SNX9: variants seen among roughly 807,000 people sequenced by gnomAD.
SNX9 encodes the protein sorting nexin-9.
A neutral mutation model predicts 89.4 loss-of-function variants in SNX9; 44 were observed. The ratio of observed to expected loss-of-function variants is 0.49; its 90% CI spans 0.39 to 0.63. The LOEUF (loss-of-function observed/expected upper bound fraction) is 0.63, where lower values mean the gene tolerates loss of function less well. SNX9 is among the 30% of genes least tolerant of loss of function. The pLI is 0.00. For missense variants in SNX9, 578 were observed against 736.1 expected (o/e 0.79, Z 2.49); for synonymous variants, 236 against 247.8 (o/e 0.95, Z 0.45).
At position 157,932,232 on chromosome 6, in the gene SNX9, G is replaced by A. The variant is rs1185061127; in HGVS notation, c.1326G>A (p.Leu442=). 3 of 1,614,040 alleles carry A rather than the reference G, an allele frequency of 1.9e-6. No individual in the cohort carries two copies. Among genetic ancestry groups the A allele is most frequent in the Non-Finnish European group, 2.5e-6 (3 of 1,180,034 alleles). The change falls in exon 13 of 18, where the codon TTG becomes TTA. Residue 442 remains leucine, a synonymous_variant. Transcript: ENST00000392185. ...AATATCAGAAGATAGGAAAGGCCTT[G>A]CAGAGTTTGGCCACAGTGTTCAGTT... ...PKEYQKIGKA[L]QSLATVFSSS...
chr6:157,833,320 C>G (rs1445602794), intron 1 of SNX9, among the ~76,000 whole-genome samples: 1 of 152,002 alleles, frequency 6.6e-6, no homozygotes, highest in African/African-American at 2.4e-5. Context: ...AACTTACTGT[C>G]TTTAGGCCTC....
chr6:157,906,716 ATCTGT>A (rs1033730896), intron 7 of SNX9, among the ~76,000 whole-genome samples: 1 of 152,220 alleles, frequency 6.6e-6, no homozygotes, highest in Non-Finnish European at 1.5e-5. Context: ...CATTGAGAAT[ATCTGT>A]CTTAGAATTA....
intron 10 of SNX9, among the ~76,000 whole-genome samples, chr6:157,923,636 A>G (rs1366662028): frequency 1.3e-5 from 2 of 152,228 alleles, no homozygotes; most frequent in Non-Finnish European, 2.9e-5. Flanking sequence ...AATGCCAAGC[A>G]TAGCCAGGAT....
chr6:157,855,069 C>T (rs1781983375), intron 1 of SNX9, among the ~76,000 whole-genome samples: 1 of 151,996 alleles, frequency 6.6e-6, no homozygotes, highest in Admixed American at 6.6e-5. Flanking sequence ...CAGTGTTACC[C>T]ATTTCTTTTA....
chr6:157,927,718 CTTTTTTTTTTTTTTTT>C (rs761592456), intron 11 of SNX9, among the ~76,000 whole-genome samples: 1 of 98,762 alleles, frequency 1.0e-5, no homozygotes, highest in African/African-American at 4.4e-5. Context: ...TAATTTTAAG[CTTTTTTTTTTTTTTTT>C]TTTTTTTTTT....
Position 157,862,090 on chromosome 6 carries a change from T to A in SNX9, c.13-5457T>A, listed in dbSNP as rs569756801. Among the ~76,000 whole-genome samples, 4 of 152,362 alleles carry A rather than the reference T, an allele frequency of 2.6e-5. No individual in the cohort carries two copies. The South Asian group carries it at 6.2e-4, about 24-fold the overall frequency. On this transcript the variant is annotated intron_variant, in intron 1 of 17. Transcript: ENST00000392185. The stretch of plus-strand genomic sequence containing the variant: ...GACTCTAAAACTGATAAATTGTTTA[T>A]TTCTGGAATTTTCTATTTAATATTT...
At chr6:157,862,686 AT>A (rs1000809264) in intron 1 of SNX9, among the ~76,000 whole-genome samples, 3 of 151,478 alleles carry the variant, frequency 2.0e-5, no homozygotes, top group Non-Finnish European at 2.9e-5. Context: ...GGTTTTGTGA[AT>A]TTTTTTTCCT....
At chr6:157,885,886 C>T (rs1782725916) in intron 4 of SNX9, among the ~76,000 whole-genome samples, 1 of 152,202 alleles carries the variant, frequency 6.6e-6, no homozygotes, top group Admixed American at 6.5e-5. Flanking sequence ...AGAGCTGCGA[C>T]CACTCACAGT....
At chr6:157,905,653 T>C (rs1783195482) in intron 6 of SNX9, among the ~76,000 whole-genome samples, 2 of 145,944 alleles carry the variant, frequency 1.4e-5, no homozygotes, top group Admixed American at 7.2e-5. Context: ...AACAAGCACA[T>C]ATGCTGATGA....
chr6:157,882,272 C>T (rs1301289239), intron 4 of SNX9, among the ~76,000 whole-genome samples: 1 of 152,118 alleles, frequency 6.6e-6, no homozygotes, highest in Non-Finnish European at 1.5e-5. Context: ...ATTTCAAGCC[C>T]ACTGTTGAGA....
intron 1 of SNX9, among the ~76,000 whole-genome samples, chr6:157,826,625 G>A (rs1781349858): frequency 6.7e-6 from 1 of 149,362 alleles, no homozygotes; most frequent in East Asian, 1.9e-4. Context: ...CACTCACTCA[G>A]TGCAATCAAG....
At chr6:157,848,053 C>A (rs1781837647) in intron 1 of SNX9, among the ~76,000 whole-genome samples, 2 of 152,242 alleles carry the variant, frequency 1.3e-5, no homozygotes, top group Middle Eastern at 3.4e-3. Flanking sequence ...GTCGCATCAC[C>A]TGATTAACTT....
chr6:157,836,191 C>T (rs1781579600), intron 1 of SNX9, among the ~76,000 whole-genome samples: 1 of 152,156 alleles, frequency 6.6e-6, no homozygotes, highest in Non-Finnish European at 1.5e-5. Context: ...CTCAAACATT[C>T]CTCCTGCCTC....
intron 9 of SNX9, among the ~76,000 whole-genome samples, chr6:157,920,241 G>A (rs976845487): frequency 2.6e-5 from 4 of 152,156 alleles, no homozygotes; most frequent in Non-Finnish European, 5.9e-5. Context: ...TTGTGTGCCT[G>A]GCTTGGACCC....
In SNX9 at chr6:157,935,827, A is replaced by G; in HGVS notation, c.1367-137A>G. On this transcript the variant is annotated intron_variant, in intron 13 of 17. Transcript: ENST00000392185. ...GGCAGATGGTGGGTGATGGGCATTC[A>G]TTCTATTCCCAATAGTTTTGAAAAT... 1.1e-5 allele frequency: 7 copies of G among 660,202 alleles called. No individual in the cohort carries two copies. The South Asian group carries it at 1.5e-4, about 14-fold the overall frequency. The allele number at this position is 660,202 out of a possible 1,614,324, so 40.9% of individuals were successfully genotyped here. A position where few individuals can be genotyped will look rare whatever the true frequency, so the allele number is the denominator to read the frequency against.
At chr6:157,931,090 G>T (rs569073648) in intron 12 of SNX9, among the ~76,000 whole-genome samples, 2 of 152,292 alleles carry the variant, frequency 1.3e-5, no homozygotes, top group East Asian at 1.9e-4. Flanking sequence ...GCTCTTTTGT[G>T]GGGTGGGGAA....
At chr6:157,934,671 G>A (rs1005074707) in intron 13 of SNX9, among the ~76,000 whole-genome samples, 3 of 152,052 alleles carry the variant, frequency 2.0e-5, no homozygotes, top group African/African-American at 2.4e-5. Flanking sequence ...AAGCAAATAC[G>A]TAATTATGTT....
In SNX9 at chr6:157,833,139, A is replaced by G. The variant is rs142304462; in HGVS notation, c.12+9693A>G. ...TAAATGTATTTCCTAATTTAAATTC[A>G]CAGAAAAAGGCTTGAAAATTTAGAC... On this transcript the variant is annotated intron_variant, in intron 1 of 17. Transcript: ENST00000392185. 4.1e-3 allele frequency among the ~76,000 whole-genome samples: 619 copies of G among 152,322 alleles called. 4 individuals carry two copies. The highest frequency in any genetic ancestry group is 0.014 in the African/African-American group (592 of 41,566).
chr6:157,902,772 A>G (rs911649252), intron 6 of SNX9, among the ~76,000 whole-genome samples: 20 of 152,132 alleles, frequency 1.3e-4, no homozygotes, highest in African/African-American at 4.6e-4. Context: ...GGTTCAAGCA[A>G]TTCTCGTGCC....
Sources: gnomAD v4.1 joint callset for allele counts (sites outside exome capture counted in the v4.1 genomes callset) on GRCh38, gnomAD v4.1.1 for gene constraint, MANE v1.5 for transcripts, NCBI Gene and HGNC (gene_info 2026-07-23, HGNC 2026-07-21) for gene names.